The following PIGL variants were observed in gnomAD, a reference collection of about 807,000 sequenced individuals.
PIGL encodes the protein N-acetylglucosaminyl-phosphatidylinositol de-N-acetylase.
A neutral mutation model predicts 31.1 loss-of-function variants in PIGL; 22 were observed. The ratio of observed to expected loss-of-function variants is 0.71; its 90% CI spans 0.51 to 1.01. PIGL has a LOEUF of 1.01. PIGL is among the 50% of genes least tolerant of loss of function. The pLI is 0.00. For synonymous variants in PIGL, 131 were observed against 117.4 expected (o/e 1.12, Z -0.75); for missense variants, 302 against 315.9 (o/e 0.96, Z 0.33).
At chr17:16,310,833 A>AC (rs1230279787) in intron 3 of PIGL, among the ~76,000 whole-genome samples, 1 of 152,158 alleles carries the variant, frequency 6.6e-6, no homozygotes, top group Non-Finnish European at 1.5e-5. Flanking sequence ...GCAGCGTAGC[A>AC]CGCCTTCTCA....
At chr17:16,222,318 G>A (rs950737765) in intron 1 of PIGL, among the ~76,000 whole-genome samples, 6 of 151,718 alleles carry the variant, frequency 4.0e-5, no homozygotes, top group Non-Finnish European at 8.8e-5. Flanking sequence ...ATATATATAG[G>A]AAGCAAGCAG....
intron 2 of PIGL, among the ~76,000 whole-genome samples, chr17:16,282,644 A>G (rs1172727835): frequency 6.6e-6 from 1 of 152,206 alleles, no homozygotes; most frequent in Non-Finnish European, 1.5e-5. Flanking sequence ...AATCAGCATT[A>G]GTCATGTGGA....
At chr17:16,225,267 TAA>T (rs2092646772) in intron 1 of PIGL, among the ~76,000 whole-genome samples, 1 of 152,150 alleles carries the variant, frequency 6.6e-6, no homozygotes, top group African/African-American at 2.4e-5. Flanking sequence ...TATCTGCTTC[TAA>T]TAATTCCAGT....
At chr17:16,321,837 T>C (rs2093107415) in intron 6 of PIGL, among the ~76,000 whole-genome samples, 1 of 151,838 alleles carries the variant, frequency 6.6e-6, no homozygotes, top group Admixed American at 6.6e-5. Flanking sequence ...CAGGCTGGAG[T>C]ACAATGGTGC....
chr17:16,250,878 C>G (rs902433188), intron 2 of PIGL, among the ~76,000 whole-genome samples: 32 of 152,142 alleles, frequency 2.1e-4, no homozygotes, highest in African/African-American at 7.5e-4. Flanking sequence ...ATGCTTCAAC[C>G]ACTATTTTCC....
Position 16,282,001 on chromosome 17 carries a change from G to A in PIGL, c.336-17887G>A, listed in dbSNP as rs543049475. ...GGAAGGGGGGCGACAGCTGTCCATG[G>A]GGGCACTGCTAAGAGGGTGTTGATC... is the stretch of plus-strand genomic sequence containing the variant. On this transcript the variant is annotated intron_variant, in intron 2 of 6. Coordinates refer to ENST00000225609, the MANE Select transcript of PIGL (RefSeq NM_004278.4). 693 of 508,640 alleles carry A rather than the reference G, an allele frequency of 1.4e-3. 7 individuals carry two copies. Among genetic ancestry groups the A allele is most frequent in the Non-Finnish European group, 5.3e-4 (129 of 243,204 alleles). 31.5% of individuals were successfully genotyped at this position (508,640 alleles called of 1,614,324 possible).
intron 2 of PIGL, among the ~76,000 whole-genome samples, chr17:16,242,159 T>C (rs2092725848): frequency 6.6e-6 from 1 of 152,084 alleles, no homozygotes. Flanking sequence ...GCTCAAGCAA[T>C]CTTCCCACCT....
intron 2 of PIGL, among the ~76,000 whole-genome samples, chr17:16,234,401 C>G (rs2092691392): frequency 6.6e-6 from 1 of 151,912 alleles, no homozygotes. Context: ...GAGCTGAGAT[C>G]AAGCCATTGC....
Position 16,322,707 on chromosome 17 carries a change from G to A in PIGL, c.661-3093G>A, listed in dbSNP as rs560105039. On this transcript the variant is annotated intron_variant, in intron 6 of 6. Transcript: ENST00000225609. ...ATTTGTAACTCCAAAGTCAGTGCTC[G>A]AAGTGCTTTTGTAGTCATTCGTGGA... Among the ~76,000 whole-genome samples the A allele has an allele frequency of 3.3e-5, 5 of 152,258 alleles. No homozygotes were observed. The East Asian group carries it at 9.6e-4, about 29-fold the overall frequency.
At chr17:16,250,337 GT>G (rs1484805125) in intron 2 of PIGL, among the ~76,000 whole-genome samples, 1 of 152,138 alleles carries the variant, frequency 6.6e-6, no homozygotes, top group South Asian at 2.1e-4. Context: ...AAAAAACATA[GT>G]ATATATAGGG....
chr17:16,267,833 A>C (rs2092851592), intron 2 of PIGL, among the ~76,000 whole-genome samples: 1 of 152,164 alleles, frequency 6.6e-6, no homozygotes, highest in African/African-American at 2.4e-5. Flanking sequence ...AGGGGGTGCA[A>C]CTTGGAGCAC....
intron 2 of PIGL, among the ~76,000 whole-genome samples, chr17:16,239,291 G>A (rs1345359694): frequency 8.6e-5 from 13 of 151,380 alleles, no homozygotes; most frequent in African/African-American, 3.2e-4. Context: ...AGACCAGCCT[G>A]GCCAACATGG....
At chr17:16,285,111 A>C (rs1235991361) in intron 2 of PIGL, among the ~76,000 whole-genome samples, 2 of 152,184 alleles carry the variant, frequency 1.3e-5, no homozygotes, top group Non-Finnish European at 2.9e-5. Context: ...GTGAGACACC[A>C]CACCTGGCCA....
chr17:16,233,123 A>AT (rs55974636), intron 1 of PIGL, among the ~76,000 whole-genome samples: 12 of 151,696 alleles, frequency 7.9e-5, no homozygotes, highest in African/African-American at 2.9e-4. Flanking sequence ...AAAAAAAAAA[A>AT]TGGCCATTAT....
intron 2 of PIGL, among the ~76,000 whole-genome samples, chr17:16,267,223 G>A (rs999563846): frequency 6.6e-6 from 1 of 152,086 alleles, no homozygotes; most frequent in Admixed American, 6.6e-5. Flanking sequence ...ATGTTATTAA[G>A]AAAATCATAA....
At chr17:16,305,467 G>C (rs1490786953) in intron 3 of PIGL, among the ~76,000 whole-genome samples, 1 of 152,174 alleles carries the variant, frequency 6.6e-6, no homozygotes, top group Admixed American at 6.5e-5. Context: ...AAATAAAAGT[G>C]GATGGAGTTT....
chr17:16,219,241 T>C (rs1165432335), intron 1 of PIGL, among the ~76,000 whole-genome samples: 1 of 151,884 alleles, frequency 6.6e-6, no homozygotes, highest in Non-Finnish European at 1.5e-5. Flanking sequence ...TTTTAGTTTT[T>C]AGTAGAGACG....
intron 5 of PIGL, 106 bp from the exon 6 acceptor site, chr17:16,317,669 C>G (rs2093083755): frequency 6.5e-7 from 1 of 1,546,470 alleles, no homozygotes; most frequent in Non-Finnish European, 8.7e-7. Flanking sequence ...GCTGTGGCCA[C>G]TGTCCTGCCC....
intron 1 of PIGL, among the ~76,000 whole-genome samples, chr17:16,226,467 C>T (rs1434004717): frequency 2.0e-5 from 3 of 152,150 alleles, no homozygotes; most frequent in Admixed American, 1.3e-4. Flanking sequence ...CTTTTATGAC[C>T]TATCCTTAAA....
Sources: allele counts gnomAD v4.1 joint callset (sites outside exome capture counted in the v4.1 genomes callset), GRCh38; gene constraint gnomAD v4.1.1; transcripts MANE v1.5; gene names NCBI Gene and HGNC (gene_info 2026-07-23, HGNC 2026-07-21).